KCNC2: variants seen among roughly 807,000 people sequenced by gnomAD.
KCNC2 encodes potassium voltage-gated channel subfamily C member 2, also known as voltage-gated potassium channel KCNC2.
KCNC2 carries 21 observed loss-of-function variants against 44.5 expected under a neutral mutation model. That is an observed-to-expected ratio of 0.47 (90% CI 0.33 to 0.68). KCNC2 has a LOEUF of 0.68. Ranked by LOEUF, KCNC2 falls within the 30% of genes least tolerant of loss-of-function variation. KCNC2 has a pLI of 0.01. For synonymous variants in KCNC2, 391 were observed against 339.1 expected (o/e 1.15, Z -1.68); for missense variants, 589 against 826.2 (o/e 0.71, Z 3.52).
In KCNC2 at chr12:75,207,377, C is replaced by G; in HGVS notation, c.607G>C (p.Gly203Arg). The change falls in exon 2 of 5, where the codon GGC becomes CGC. Residue 203 changes from glycine to arginine, a missense_variant. Transcript: ENST00000549446. This position sits in a 1 kb window ranked among gnomAD's most constrained non-coding sequence, Gnocchi z 4.1. Reference sequence around the variant, plus strand: ...AGCCTCCTCCAGCGGCCAGATTTGCCGTCGGGGCCCCCGAGCCCCGCCGCG... The same window carrying G: ...AGCCTCCTCCAGCGGCCAGATTTGCGGTCGGGGCCCCCGAGCCCCGCCGCG... Reference protein sequence around the residue: ...EDAAGLGGPDGKSGRWRRLQP... With the variant: ...EDAAGLGGPDRKSGRWRRLQP... 6.3e-7 allele frequency: 1 copy of G among 1,579,176 alleles called. No individual in the cohort carries two copies.
chr12:75,145,733 G>A (rs569247494), intron 2 of KCNC2, among the ~76,000 whole-genome samples: 40 of 152,066 alleles, frequency 2.6e-4, no homozygotes, highest in Non-Finnish European at 4.7e-4. Context: ...ATAGTGCTAC[G>A]TATATGTACT....
chr12:75,177,658 T>C (rs1032142912), intron 2 of KCNC2, among the ~76,000 whole-genome samples: 1 of 152,024 alleles, frequency 6.6e-6, no homozygotes, highest in Admixed American at 6.6e-5. Flanking sequence ...CCAGATATAA[T>C]ATCATACACA....
At chr12:75,182,867 A>G (rs1362865423) in intron 2 of KCNC2, among the ~76,000 whole-genome samples, 1 of 152,234 alleles carries the variant, frequency 6.6e-6, no homozygotes, top group African/African-American at 2.4e-5. Flanking sequence ...AAATTCTGCT[A>G]TTCCTAGAGC....
chr12:75,172,699 A>G (rs1259795796), intron 2 of KCNC2, among the ~76,000 whole-genome samples: 1 of 151,894 alleles, frequency 6.6e-6, no homozygotes, highest in East Asian at 1.9e-4. Context: ...GGGAGCTTAG[A>G]AAGAGCTAGC....
intron 2 of KCNC2, among the ~76,000 whole-genome samples, chr12:75,144,756 T>A (rs1470529612): frequency 6.6e-6 from 1 of 152,082 alleles, no homozygotes; most frequent in Admixed American, 6.6e-5. Context: ...AATACTTCAT[T>A]AACGTCACTG....
At chr12:75,196,222 T>A (rs1215599007) in intron 2 of KCNC2, among the ~76,000 whole-genome samples, 1 of 152,152 alleles carries the variant, frequency 6.6e-6, no homozygotes. Flanking sequence ...GCCTTCACCT[T>A]GCCGCTTGCA....
At position 75,082,050 on chromosome 12, in the gene KCNC2, T is replaced by A. The variant is rs549627768; in HGVS notation, c.688-30733A>T. 4.6e-5 allele frequency among the ~76,000 whole-genome samples: 7 copies of A among 152,144 alleles called. No homozygotes were observed. The South Asian group carries it at 1.4e-3, about 31-fold the overall frequency. ...CAAGTTGCCTTTCTGCTAAGTTTAC[T>A]CAAGATGTGCAAAAGAGGCACAATA... is the stretch of plus-strand genomic sequence containing the variant. On this transcript the variant is annotated intron_variant, in intron 2 of 4. Coordinates refer to ENST00000549446, the MANE Select transcript of KCNC2 (RefSeq NM_139137.4).
intron 2 of KCNC2, among the ~76,000 whole-genome samples, chr12:75,058,599 G>T (rs1388823484): frequency 1.3e-5 from 2 of 152,034 alleles, no homozygotes; most frequent in South Asian, 2.1e-4. Context: ...ATCCAGAAAA[G>T]TCTGTTTCTT....
At chr12:75,182,475 C>T (rs1892652192) in intron 2 of KCNC2, among the ~76,000 whole-genome samples, 1 of 145,454 alleles carries the variant, frequency 6.9e-6, no homozygotes, top group South Asian at 2.2e-4. Flanking sequence ...GAGCCCAGAT[C>T]GCGCCACTGC....
intron 2 of KCNC2, among the ~76,000 whole-genome samples, chr12:75,133,918 C>T (rs558298958): frequency 1.1e-3 from 153 of 144,948 alleles, no homozygotes; most frequent in African/African-American, 3.6e-3. Flanking sequence ...TAAAGATACA[C>T]GAAAAAAAGA....
chr12:75,096,323 A>T (rs533586836), intron 2 of KCNC2, among the ~76,000 whole-genome samples: 3 of 152,044 alleles, frequency 2.0e-5, no homozygotes, highest in African/African-American at 7.2e-5. Flanking sequence ...ATTTTTAAAA[A>T]ATATTTTGGA....
intron 2 of KCNC2, among the ~76,000 whole-genome samples, chr12:75,202,795 GT>G (rs34542718): frequency 2.9e-4 from 42 of 146,242 alleles, no homozygotes; most frequent in Middle Eastern, 3.5e-3. Context: ...TCCTATGTGA[GT>G]TTTTTTTTTT....
At chr12:75,122,102 G>A (rs916213097) in intron 2 of KCNC2, among the ~76,000 whole-genome samples, 1 of 152,056 alleles carries the variant, frequency 6.6e-6, no homozygotes, top group African/African-American at 2.4e-5. Flanking sequence ...GAAATCACAG[G>A]TCAACATCCA....
At chr12:75,128,583 A>G (rs777501252) in intron 2 of KCNC2, among the ~76,000 whole-genome samples, 3 of 152,140 alleles carry the variant, frequency 2.0e-5, no homozygotes, top group Non-Finnish European at 4.4e-5. Context: ...TATACAAGCC[A>G]TACCCAATCT....
chr12:75,133,593 C>A (rs889742438), intron 2 of KCNC2, among the ~76,000 whole-genome samples: 1 of 151,872 alleles, frequency 6.6e-6, no homozygotes, highest in African/African-American at 2.4e-5. Flanking sequence ...AAGCCCAAAC[C>A]ATATATAAAA....
chr12:75,123,382 G>C (rs1236796006), intron 2 of KCNC2, among the ~76,000 whole-genome samples: 1 of 152,146 alleles, frequency 6.6e-6, no homozygotes, highest in Non-Finnish European at 1.5e-5. Flanking sequence ...CTAATTAAAT[G>C]TTTTAAAAAT....
intron 2 of KCNC2, among the ~76,000 whole-genome samples, chr12:75,178,125 G>T (rs992632759): frequency 3.3e-5 from 5 of 151,902 alleles, no homozygotes; most frequent in Non-Finnish European, 5.9e-5. Context: ...AATACTGAAG[G>T]CATGTCCTGG....
chr12:75,208,982 C>A (rs547535144), intron 1 of KCNC2, among the ~76,000 whole-genome samples: 1 of 152,052 alleles, frequency 6.6e-6, no homozygotes, highest in South Asian at 2.1e-4. Flanking sequence ...CTAGGAGGGG[C>A]GAGGCTCGGG....
chr12:75,172,524 G>A (rs1475080368), intron 2 of KCNC2, among the ~76,000 whole-genome samples: 1 of 151,140 alleles, frequency 6.6e-6, no homozygotes, highest in Non-Finnish European at 1.5e-5. Flanking sequence ...CCTTTGCCCT[G>A]TACTTTCATT....
Sources: gnomAD v4.1 joint callset for allele counts (sites outside exome capture counted in the v4.1 genomes callset) on GRCh38, gnomAD v4.1.1 for gene constraint, Gnocchi (gnomAD v3.1) non-coding constraint, MANE v1.5 for transcripts, NCBI Gene and HGNC (gene_info 2026-07-23, HGNC 2026-07-21) for gene names.